The following FEZ2 variants were observed in gnomAD, a reference collection of about 807,000 sequenced individuals.
FEZ2 encodes fasciculation and elongation protein zeta-2.
In FEZ2, 51 loss-of-function variants were observed where a neutral mutation model predicts 40.4. That is an observed-to-expected ratio of 1.26 (90% confidence interval 1.01 to 1.59). FEZ2 has a LOEUF of 1.59. Ranked by LOEUF, FEZ2 falls within the 40% of genes most tolerant of loss-of-function variation. The pLI is 0.00. For missense variants in FEZ2, 640 were observed against 438.3 expected (o/e 1.46, Z -4.11); for synonymous variants, 242 against 172.0 (o/e 1.41, Z -3.18).
At chr2:36,595,389 T>C (rs1363665945) in intron 1 of FEZ2, among the ~76,000 whole-genome samples, 1 of 151,958 alleles carries the variant, frequency 6.6e-6, no homozygotes, top group Non-Finnish European at 1.5e-5. Flanking sequence ...AGCATTAGAT[T>C]CTCATAAGGT....
intron 3 of FEZ2, 100 bp from the exon 4 acceptor site, chr2:36,581,531 T>G: frequency 3.0e-6 from 3 of 1,004,698 alleles, no homozygotes; most frequent in Non-Finnish European, 4.6e-6. Context: ...AGAAATGCAC[T>G]GAATTCTCCA....
intron 7 of FEZ2, 23 bp from the exon 8 acceptor site, chr2:36,553,202 A>G: frequency 6.6e-7 from 1 of 1,522,226 alleles, no homozygotes; most frequent in Non-Finnish European, 8.9e-7. Flanking sequence ...GAGAACTTTT[A>G]GCTACAAATG....
intron 5 of FEZ2, among the ~76,000 whole-genome samples, chr2:36,571,515 G>A (rs887698017): frequency 1.3e-5 from 2 of 151,710 alleles, no homozygotes; most frequent in Non-Finnish European, 2.9e-5. Context: ...AATTAGCCGA[G>A]TGTGCTGGCG....
intron 5 of FEZ2, chr2:36,561,416 AT>A (rs1439230181): frequency 6.6e-6 from 1 of 152,228 alleles, no homozygotes; most frequent in Non-Finnish European, 1.5e-5. Context: ...GAACTAGAAG[AT>A]GGCATACGCT....
chr2:36,575,603 C>G (rs1186412648), intron 5 of FEZ2, among the ~76,000 whole-genome samples: 1 of 152,186 alleles, frequency 6.6e-6, no homozygotes, highest in Admixed American at 6.5e-5. Context: ...CCTAAAACTC[C>G]AATCAAAATC....
chr2:36,571,496 A>G (rs1202403707), intron 5 of FEZ2, among the ~76,000 whole-genome samples: 1 of 151,868 alleles, frequency 6.6e-6, no homozygotes, highest in African/African-American at 2.4e-5. Context: ...CCCCATCTCT[A>G]CTAAAAAAAA....
At position 36,559,661 on chromosome 2, in the gene FEZ2, C is replaced by T. The variant is rs377524623; in HGVS notation, c.904-1148G>A. ...GTAAAGAACAACAACAACAAAAGGC[C>T]AGAAATGATGTCCTCCTGGCTTCAC... On this transcript the variant is annotated intron_variant, in intron 5 of 7. Transcript: ENST00000405912. Among the ~76,000 whole-genome samples the T allele has an allele frequency of 2.0e-4, 31 of 152,292 alleles. 1 individual carries two copies. The South Asian group carries it at 6.4e-3, about 32-fold the overall frequency.
In FEZ2 at chr2:36,598,018, C is replaced by T; in HGVS notation, c.125G>A (p.Gly42Glu). Residue 42 changes from glycine (G) to glutamate (E), a missense_variant, in exon 1 of 8, where the codon GGG becomes GAG. By Grantham distance (98) the Gly-to-Glu change is moderately conservative (BLOSUM62 -2). Coordinates refer to ENST00000405912, the MANE Select transcript of FEZ2 (RefSeq NM_005102.3). ...PGAEAGAEAG[G>E]GADGFPAPAC... ...CGGGGCCGGGAAACCGTCGGCGCCC[C>T]CACCCGCCTCGGCCCCCGCCTCCGC... 1 of 1,497,312 alleles carries T rather than the reference C, an allele frequency of 6.7e-7. No homozygotes were observed. The highest frequency in any genetic ancestry group is 1.2e-5 in the South Asian group (1 of 80,830). 92.8% of individuals were successfully genotyped at this position (1,497,312 alleles called of 1,614,324 possible).
intron 5 of FEZ2, among the ~76,000 whole-genome samples, chr2:36,569,667 G>T (rs1668352666): frequency 6.6e-6 from 1 of 152,164 alleles, no homozygotes; most frequent in Non-Finnish European, 1.5e-5. Context: ...AGTTCAACCA[G>T]CTTCACAGAA....
chr2:36,590,774 C>T (rs1176197351), intron 2 of FEZ2, 129 bp downstream of exon 2: 3 of 643,212 alleles, frequency 4.7e-6, no homozygotes, highest in Non-Finnish European at 8.4e-6. Flanking sequence ...AAGACAGAGC[C>T]ACCCAAACTG....
chr2:36,581,460 C>T, intron 3 of FEZ2, 29 bp from the exon 4 acceptor site: 2 of 1,605,170 alleles, frequency 1.2e-6, no homozygotes, highest in South Asian at 2.2e-5. Flanking sequence ...CACTGTTAAT[C>T]AAATATACAA....
At chr2:36,595,052 T>G (rs546069444) in intron 1 of FEZ2, among the ~76,000 whole-genome samples, 2 of 152,308 alleles carry the variant, frequency 1.3e-5, no homozygotes, top group South Asian at 4.1e-4. Flanking sequence ...ACAGCTCTTT[T>G]GCAAGGAGGT....
At chr2:36,593,030 C>T (rs1267450895) in intron 1 of FEZ2, among the ~76,000 whole-genome samples, 3 of 152,172 alleles carry the variant, frequency 2.0e-5, no homozygotes, top group East Asian at 1.9e-4. Context: ...CTGTGGACTA[C>T]TAAACTTGCT....
intron 6 of FEZ2, chr2:36,555,964 A>G (rs1408328545): frequency 3.0e-6 from 2 of 665,110 alleles, no homozygotes; most frequent in Admixed American, 2.1e-5. Context: ...TTCGGTAAGA[A>G]TATCCCACTT....
chr2:36,560,164 T>C (rs183762002), intron 5 of FEZ2, among the ~76,000 whole-genome samples: 294 of 152,366 alleles, frequency 1.9e-3, no homozygotes, highest in African/African-American at 6.7e-3. Flanking sequence ...CCTTCAATCA[T>C]TATACAAAAA....
At chr2:36,592,076 A>T (rs956481823) in intron 1 of FEZ2, among the ~76,000 whole-genome samples, 1 of 152,208 alleles carries the variant, frequency 6.6e-6, no homozygotes, top group African/African-American at 2.4e-5. Flanking sequence ...CTTGAAATCT[A>T]ATTGGGATAC....
chr2:36,555,467 T>C (rs940848795), intron 7 of FEZ2: 2 of 363,634 alleles, frequency 5.5e-6, no homozygotes, highest in African/African-American at 4.2e-5. Flanking sequence ...GTGGAGATTA[T>C]TTCCAACCCA....
chr2:36,553,504 A>C (rs903800138), intron 7 of FEZ2, among the ~76,000 whole-genome samples: 10 of 152,190 alleles, frequency 6.6e-5, no homozygotes, highest in African/African-American at 1.9e-4. Flanking sequence ...AAGTCAAAGA[A>C]GGGTGCAAGT....
intron 1 of FEZ2, among the ~76,000 whole-genome samples, chr2:36,595,041 G>T (rs887284692): frequency 6.6e-5 from 10 of 152,262 alleles, no homozygotes; most frequent in South Asian, 4.1e-4. Context: ...CAACGGTCAG[G>T]ACAGCTCTTT....
Sources: allele counts gnomAD v4.1 joint callset (sites outside exome capture counted in the v4.1 genomes callset), GRCh38; gene constraint gnomAD v4.1.1; transcripts MANE v1.5; gene names NCBI Gene and HGNC (gene_info 2026-07-23, HGNC 2026-07-21).